PRKG1: variants seen among roughly 807,000 people sequenced by gnomAD.
PRKG1 encodes the protein cGMP-dependent protein kinase 1.
A neutral mutation model predicts 88.1 loss-of-function variants in PRKG1; 35 were observed. The observed-to-expected ratio is 0.40, with a 90% confidence interval of 0.30 to 0.53. The LOEUF is 0.53. Ranked by LOEUF, PRKG1 falls within the 20% of genes least tolerant of loss-of-function variation. The pLI is 0.59. For synonymous variants in PRKG1, 303 were observed against 292.5 expected, an observed-to-expected ratio of 1.04 and a Z score of -0.37; for missense variants, 540 against 839.8, an observed-to-expected ratio of 0.64 and a Z score of 4.41.
At chr10:51,459,539 C>G (rs1839685158) in intron 2 of PRKG1, among the ~76,000 whole-genome samples, 2 of 152,106 alleles carry the variant, frequency 1.3e-5, no homozygotes, top group Admixed American at 6.6e-5. Context: ...TCTTTAAAAA[C>G]TACTCAACGT....
At chr10:51,467,964 C>CA (rs1474854355) in intron 3 of PRKG1, 128 bp downstream of exon 3, 2 of 770,530 alleles carry the variant, frequency 2.6e-6, no homozygotes, top group Admixed American at 2.1e-5. Flanking sequence ...TTTTGCCCTG[C>CA]AATATAGCTG....
At chr10:51,669,046 T>A (rs1840491380) in intron 3 of PRKG1, among the ~76,000 whole-genome samples, 1 of 152,222 alleles carries the variant, frequency 6.6e-6, no homozygotes, top group South Asian at 2.1e-4. Context: ...TAATTCGCCA[T>A]CCCAATTTTT....
intron 3 of PRKG1, among the ~76,000 whole-genome samples, chr10:51,556,152 T>C (rs1215936583): frequency 6.6e-6 from 1 of 151,956 alleles, no homozygotes; most frequent in South Asian, 2.1e-4. Flanking sequence ...AGTAAAGAAG[T>C]TTTTTTCTAA....
At chr10:51,485,932 T>C (rs894655509) in intron 3 of PRKG1, among the ~76,000 whole-genome samples, 18 of 152,250 alleles carry the variant, frequency 1.2e-4, no homozygotes, top group African/African-American at 3.8e-4. Flanking sequence ...TCCCCAGCCA[T>C]AGGCAACAGT....
intron 4 of PRKG1, among the ~76,000 whole-genome samples, chr10:51,818,649 G>C (rs753299139): frequency 1.2e-4 from 19 of 152,186 alleles, no homozygotes; most frequent in Non-Finnish European, 2.8e-4. Flanking sequence ...CACAGCACAC[G>C]CATACATATT....
intron 3 of PRKG1, among the ~76,000 whole-genome samples, chr10:51,676,615 C>T (rs1272451008): frequency 6.6e-6 from 1 of 152,132 alleles, no homozygotes; most frequent in African/African-American, 2.4e-5. Context: ...ACCTCCATTT[C>T]CCTGTATAAC....
At chr10:51,996,170 G>A (rs370262186) in intron 5 of PRKG1, among the ~76,000 whole-genome samples, 182 of 151,618 alleles carry the variant, frequency 1.2e-3, no homozygotes, top group African/African-American at 4.0e-3. Context: ...AAAATTAGCC[G>A]GGCACGTGGT....
intron 3 of PRKG1, among the ~76,000 whole-genome samples, chr10:51,731,758 G>A (rs188402908): frequency 5.3e-5 from 8 of 152,298 alleles, no homozygotes; most frequent in African/African-American, 1.9e-4. Flanking sequence ...ATGTTAGTTT[G>A]TTAGGACTGC....
chr10:51,086,858 G>A (rs188018525), intron 1 of PRKG1, among the ~76,000 whole-genome samples: 5 of 152,176 alleles, frequency 3.3e-5, no homozygotes, highest in African/African-American at 4.8e-5. Context: ...GTCATCTATC[G>A]TAATAGAGCA....
At chr10:51,209,040 C>T (rs919857604) in intron 2 of PRKG1, among the ~76,000 whole-genome samples, 15 of 152,148 alleles carry the variant, frequency 9.9e-5, no homozygotes, top group African/African-American at 3.6e-4. Context: ...TAAAAATCAA[C>T]TAACTAGAAG....
At chr10:51,570,049 G>GTATATATATATATATATATA (rs10617123) in intron 3 of PRKG1, among the ~76,000 whole-genome samples, 12 of 128,782 alleles carry the variant, frequency 9.3e-5, no homozygotes, top group Non-Finnish European at 1.4e-4. Flanking sequence ...ACCCAAACTA[G>GTATATATATATATATATATA]TATATATATA....
At chr10:52,153,524 C>CA (rs751955637) in intron 8 of PRKG1, among the ~76,000 whole-genome samples, 5 of 152,234 alleles carry the variant, frequency 3.3e-5, no homozygotes, top group South Asian at 4.1e-4. Flanking sequence ...TTTAATGTGT[C>CA]AAATGTGCCT....
intron 5 of PRKG1, among the ~76,000 whole-genome samples, chr10:52,045,695 T>G (rs1041916017): frequency 6.6e-6 from 1 of 152,092 alleles, no homozygotes; most frequent in African/African-American, 2.4e-5. Context: ...TAGATAACTA[T>G]ACTTGATGAT....
chr10:51,275,318 C>A (rs1343935700), intron 2 of PRKG1, among the ~76,000 whole-genome samples: 2 of 152,172 alleles, frequency 1.3e-5, no homozygotes, highest in African/African-American at 4.8e-5. Flanking sequence ...TGAAAATGAT[C>A]TTTATGTCAC....
intron 2 of PRKG1, among the ~76,000 whole-genome samples, chr10:51,288,179 A>G (rs1840491359): frequency 6.6e-6 from 1 of 151,824 alleles, no homozygotes; most frequent in South Asian, 2.1e-4. Flanking sequence ...TTTAGGGTAC[A>G]TGTGCACAAT....
At chr10:52,065,674 A>T (rs1402911854) in intron 7 of PRKG1, among the ~76,000 whole-genome samples, 1 of 152,144 alleles carries the variant, frequency 6.6e-6, no homozygotes, top group Non-Finnish European at 1.5e-5. Flanking sequence ...TATAGTTGCC[A>T]TTAGATTTTT....
At chr10:52,037,252 G>A (rs1038503679) in intron 5 of PRKG1, among the ~76,000 whole-genome samples, 2 of 152,158 alleles carry the variant, frequency 1.3e-5, no homozygotes, top group South Asian at 2.1e-4. Context: ...AGGAGGTTCT[G>A]GAGGAGCCTG....
chr10:51,947,734 C>A (rs907300584), intron 5 of PRKG1, among the ~76,000 whole-genome samples: 1 of 152,170 alleles, frequency 6.6e-6, no homozygotes, highest in Admixed American at 6.5e-5. Context: ...GGCTGCAGAG[C>A]TGCACCAGCC....
At chr10:51,583,652 G>A (rs372115324) in intron 3 of PRKG1, among the ~76,000 whole-genome samples, 4 of 152,038 alleles carry the variant, frequency 2.6e-5, no homozygotes, top group Admixed American at 6.6e-5. Flanking sequence ...TTAGTCTTCA[G>A]TGACTTAAAA....
Sources: allele counts gnomAD v4.1 joint callset (sites outside exome capture counted in the v4.1 genomes callset), GRCh38; gene constraint gnomAD v4.1.1; transcripts MANE v1.5; gene names NCBI Gene and HGNC (gene_info 2026-07-23, HGNC 2026-07-21).